The following KCNQ1 variants were observed in gnomAD, a reference collection of about 807,000 sequenced individuals.
The protein encoded by KCNQ1 is potassium voltage-gated channel subfamily Q member 1.
In KCNQ1, 49 loss-of-function variants were observed where a neutral mutation model predicts 72.4. That is an observed-to-expected ratio of 0.68 (90% CI 0.54 to 0.86). KCNQ1 has a LOEUF of 0.86. Among genes scored for constraint, KCNQ1 ranks in the 40% least tolerant of loss-of-function variants. The pLI is 0.00. For missense variants in KCNQ1, 790 were observed against 945.1 expected (o/e 0.84, Z 2.15); for synonymous variants, 450 against 412.6 (o/e 1.09, Z -1.10).
chr11:2,741,809 G>A (rs890798779), intron 11 of KCNQ1, among the ~76,000 whole-genome samples: 3 of 152,196 alleles, frequency 2.0e-5, no homozygotes, highest in African/African-American at 2.4e-5. Context: ...GGGATCCTCC[G>A]CCTGTGGTTT....
chr11:2,587,483 G>A lies in KCNQ1; in HGVS notation c.1129-87G>A. On this transcript the variant is annotated intron_variant, in intron 8 of 15. Coordinates refer to ENST00000155840, the MANE Select transcript of KCNQ1 (RefSeq NM_000218.3). ...CCCAGAGGGGAGGGGCCAGGCCTGG[G>A]GAACAGGGAGGGGGAGCTGTAGCTT... The A allele has an allele frequency of 3.1e-6, 5 of 1,590,426 alleles. No homozygotes were observed. The South Asian group carries it at 3.3e-5, about 11-fold the overall frequency.
rs1850662218 is a variant in KCNQ1 at position 2,695,621 on chromosome 11, A to G, written c.1514+33540A>G. On this transcript the variant is annotated intron_variant, in intron 11 of 15. Coordinates refer to ENST00000155840, the MANE Select transcript of KCNQ1 (RefSeq NM_000218.3). This position sits in a 1 kb window ranked among gnomAD's most constrained non-coding sequence, Gnocchi z 5.2. ...GAGAACTGCTCCAGCATGTTTACTTAGGAGGGAAACTGCTGGGCCACAGGT... is the reference window on the plus strand; with the variant it reads ...GAGAACTGCTCCAGCATGTTTACTTGGGAGGGAAACTGCTGGGCCACAGGT... The G allele has an allele frequency of 7.5e-6, 3 of 398,400 alleles. No homozygotes were observed. The highest frequency in any genetic ancestry group is 1.3e-5 in the Non-Finnish European group (3 of 226,058). The allele number at this position is 398,400 out of a possible 1,614,324, so 24.7% of individuals were successfully genotyped here.
At chr11:2,738,525 C>A (rs947025590) in intron 11 of KCNQ1, among the ~76,000 whole-genome samples, 4 of 152,342 alleles carry the variant, frequency 2.6e-5, no homozygotes, top group African/African-American at 9.6e-5. Context: ...CCATGGCCAA[C>A]CTCCCCCCAC....
In KCNQ1 at chr11:2,611,340, A is replaced by T; in HGVS notation, c.1393+22486A>T. 1 of 397,040 alleles carries T rather than the reference A, an allele frequency of 2.5e-6. No individual in the cohort carries two copies. The highest frequency in any genetic ancestry group is 4.4e-6 in the Non-Finnish European group (1 of 225,678). 24.6% of individuals were successfully genotyped at this position (397,040 alleles called of 1,614,324 possible). ...ATTCAAGCCGTTCTCTTGCCTCAGC[A>T]TCCCAAGTAGCTGGGACTACAGGCA... On this transcript the variant is annotated intron_variant, in intron 10 of 15. Coordinates refer to ENST00000155840, the MANE Select transcript of KCNQ1 (RefSeq NM_000218.3). The surrounding 1 kb of genome is among the most constrained non-coding windows in gnomAD (Gnocchi z 5.3).
intron 11 of KCNQ1, among the ~76,000 whole-genome samples, chr11:2,702,984 G>A (rs1241304580): frequency 6.6e-6 from 1 of 152,212 alleles, no homozygotes; most frequent in Non-Finnish European, 1.5e-5. Flanking sequence ...TGGGGGAAGA[G>A]TGGAGAGGAA....
At chr11:2,577,868 C>T (rs909196376) in intron 6 of KCNQ1, among the ~76,000 whole-genome samples, 1 of 152,178 alleles carries the variant, frequency 6.6e-6, no homozygotes, top group Admixed American at 6.5e-5. Flanking sequence ...TCCTGCCCCC[C>T]ACCCAGGGGC....
intron 2 of KCNQ1, among the ~76,000 whole-genome samples, chr11:2,532,053 G>T (rs928689696): frequency 5.9e-5 from 9 of 152,168 alleles, no homozygotes; most frequent in African/African-American, 1.9e-4. Flanking sequence ...CCTCTTCTCT[G>T]GACCTGGCTG....
intron 11 of KCNQ1, among the ~76,000 whole-genome samples, chr11:2,765,898 A>C (rs77220131): frequency 0.017 from 2,542 of 152,300 alleles, 118 homozygotes; most frequent in East Asian, 0.13. Context: ...TAATTAGACT[A>C]TTAATCCACT....
intron 2 of KCNQ1, among the ~76,000 whole-genome samples, chr11:2,530,669 T>C (rs1172800780): frequency 2.0e-5 from 3 of 152,218 alleles, no homozygotes; most frequent in African/African-American, 7.2e-5. Flanking sequence ...GTGGGGACTT[T>C]CACGCATGTT....
intron 11 of KCNQ1, among the ~76,000 whole-genome samples, chr11:2,705,454 G>C (rs1850892326): frequency 6.6e-6 from 1 of 151,894 alleles, no homozygotes; most frequent in African/African-American, 2.4e-5. Context: ...GCACCTGCTT[G>C]GGGCCTGGTT....
In KCNQ1 at chr11:2,609,741, CT is replaced by C. The variant is rs1235857367; in HGVS notation, c.1393+20888del. ...TATATGTTTATAATCATTGTATCTT[CT>C]CATGAATTGACATTTTATCATTATG... On this transcript the variant is annotated intron_variant, in intron 10 of 15. Coordinates refer to ENST00000155840, the MANE Select transcript of KCNQ1 (RefSeq NM_000218.3). 1.0e-5 allele frequency: 4 copies of C among 398,150 alleles called. No individual in the cohort carries two copies. The East Asian group carries it at 1.4e-4, about 14-fold the overall frequency. 24.7% of individuals were successfully genotyped at this position (398,150 alleles called of 1,614,324 possible).
intron 15 of KCNQ1, among the ~76,000 whole-genome samples, chr11:2,837,292 CAG>C (rs1056975257): frequency 9.2e-5 from 14 of 152,114 alleles, no homozygotes; most frequent in African/African-American, 3.4e-4. Flanking sequence ...AGAGGCCTCT[CAG>C]TGGTGCCCAG....
chr11:2,508,281 T>C lies in KCNQ1; in HGVS notation c.387-19647T>C, dbSNP rs541110026. ...CTCCTGTGGGGACCATACTGGCTTGTCTGACTTGCCGTTACCCGGCGGAGA... is the reference window on the plus strand; with the variant it reads ...CTCCTGTGGGGACCATACTGGCTTGCCTGACTTGCCGTTACCCGGCGGAGA... On this transcript the variant is annotated intron_variant, in intron 1 of 15. Coordinates refer to ENST00000155840, the MANE Select transcript of KCNQ1 (RefSeq NM_000218.3). This position sits in a 1 kb window ranked among gnomAD's most constrained non-coding sequence, Gnocchi z 6.2. Among the ~76,000 whole-genome samples the C allele has an allele frequency of 1.3e-5, 2 of 152,294 alleles. No homozygotes were observed. Among genetic ancestry groups the C allele is most frequent in the African/African-American group, 4.8e-5 (2 of 41,566 alleles).
intron 1 of KCNQ1, among the ~76,000 whole-genome samples, chr11:2,500,574 C>T (rs1232349964): frequency 6.6e-6 from 1 of 152,138 alleles, no homozygotes; most frequent in African/African-American, 2.4e-5. Context: ...CACATGCACA[C>T]ATATGTTTAT....
chr11:2,756,699 A>G (rs1846303994), intron 11 of KCNQ1, among the ~76,000 whole-genome samples: 1 of 151,868 alleles, frequency 6.6e-6, no homozygotes, highest in African/African-American at 2.4e-5. Context: ...CAATCCGCCC[A>G]CCTTGGCCTC....
chr11:2,848,052 A>T lies in KCNQ1; in HGVS notation c.*49A>T. ...GGCCTGAGTGAGAGGGGAGGCCAAG[A>T]GTGGCCCCACCTGGCCCTCTCTGAA... On this transcript the variant is annotated 3_prime_UTR_variant, in exon 16 of 16. Coordinates refer to ENST00000155840, the MANE Select transcript of KCNQ1 (RefSeq NM_000218.3). 1.4e-6 allele frequency: 2 copies of T among 1,473,066 alleles called. No homozygotes were observed. Among genetic ancestry groups the T allele is most frequent in the East Asian group, 2.5e-5 (1 of 40,690 alleles). The allele number at this position is 1,473,066 out of a possible 1,614,324, so 91.2% of individuals were successfully genotyped here.
rs1318257179 is a variant in KCNQ1, at chr11:2,670,387, A to G, written c.1514+8306A>G. 2 of 398,102 alleles carry G rather than the reference A, an allele frequency of 5.0e-6. No homozygotes were observed. Among genetic ancestry groups the G allele is most frequent in the Non-Finnish European group, 8.8e-6 (2 of 226,028 alleles). The allele number at this position is 398,102 out of a possible 1,614,324, so 24.7% of individuals were successfully genotyped here. On this transcript the variant is annotated intron_variant, in intron 11 of 15. Coordinates refer to ENST00000155840, the MANE Select transcript of KCNQ1 (RefSeq NM_000218.3). The surrounding 1 kb of genome is among the most constrained non-coding windows in gnomAD (Gnocchi z 4.9). ...ATAGGCTGAAATTCCAAGAGCATTA[A>G]CCAGACACCTACTATGTGTATTTCT...
At chr11:2,753,588 C>T (rs1379508305) in intron 11 of KCNQ1, among the ~76,000 whole-genome samples, 1 of 152,238 alleles carries the variant, frequency 6.6e-6, no homozygotes, top group Non-Finnish European at 1.5e-5. Context: ...TTGAAGTATA[C>T]ACCTCAGTGG....
At chr11:2,638,079 C>T (rs919215337) in intron 10 of KCNQ1, 33 of 152,150 alleles carry the variant, frequency 2.2e-4, no homozygotes, top group Non-Finnish European at 3.8e-4. Context: ...TGTCTCTGCA[C>T]GTGAGATGGG....
Sources: gnomAD v4.1 joint callset for allele counts (sites outside exome capture counted in the v4.1 genomes callset) on GRCh38, gnomAD v4.1.1 for gene constraint, Gnocchi (gnomAD v3.1) non-coding constraint, MANE v1.5 for transcripts, NCBI Gene and HGNC (gene_info 2026-07-23, HGNC 2026-07-21) for gene names.